Variants in NBEA observed in about 807,000 individuals in gnomAD.
NBEA encodes neurobeachin, also known as lysosomal-trafficking regulator 2.
NBEA carries 44 observed loss-of-function variants against 343.4 expected under a neutral mutation model. The ratio of observed to expected loss-of-function variants is 0.13; its 90% CI spans 0.10 to 0.16. NBEA has a LOEUF of 0.16. Among genes scored for constraint, NBEA ranks in the 10% least tolerant of loss-of-function variants. The pLI is 1.00. For synonymous variants in NBEA, 1,175 were observed against 1,238.7 expected (o/e 0.95, Z 1.08); for missense variants, 2,555 against 3,631.3 (o/e 0.70, Z 7.62).
chr13:34,974,248 T>A (rs1197306355), intron 1 of NBEA, among the ~76,000 whole-genome samples: 1 of 152,200 alleles, frequency 6.6e-6, no homozygotes, highest in Non-Finnish European at 1.5e-5. Flanking sequence ...GTACTGTATT[T>A]ACTTGCCCCT....
intron 1 of NBEA, among the ~76,000 whole-genome samples, chr13:34,959,214 G>A (rs768311818): frequency 2.6e-5 from 4 of 151,980 alleles, no homozygotes; most frequent in Non-Finnish European, 5.9e-5. Context: ...TTTTCATATT[G>A]TAAGTTTCTT....
intron 47 of NBEA, among the ~76,000 whole-genome samples, chr13:35,604,732 T>C (rs1375757681): frequency 6.6e-6 from 1 of 152,100 alleles, no homozygotes; most frequent in Non-Finnish European, 1.5e-5. Context: ...CTCCCTTGTC[T>C]TGATCTACCC....
At chr13:35,552,844 G>C (rs555744238) in intron 43 of NBEA, among the ~76,000 whole-genome samples, 1 of 151,868 alleles carries the variant, frequency 6.6e-6, no homozygotes, top group Admixed American at 6.6e-5. Flanking sequence ...GATGAGTATT[G>C]TTTCCCTTTT....
chr13:35,211,548 C>G (rs1027331352), intron 33 of NBEA, among the ~76,000 whole-genome samples: 3 of 152,012 alleles, frequency 2.0e-5, no homozygotes, highest in Admixed American at 1.3e-4. Flanking sequence ...GGTGTGGTGG[C>G]TCACGCCTGT....
chr13:35,484,096 A>G (rs2076218367), intron 41 of NBEA, among the ~76,000 whole-genome samples: 2 of 152,068 alleles, frequency 1.3e-5, no homozygotes, highest in Non-Finnish European at 2.9e-5. Context: ...TAACACGGGA[A>G]ATTCCAACAG....
chr13:35,518,808 C>T (rs2077583986), intron 41 of NBEA, among the ~76,000 whole-genome samples: 2 of 152,130 alleles, frequency 1.3e-5, no homozygotes, highest in South Asian at 4.1e-4. Context: ...CTGCATCCTA[C>T]CGAGCTTTGA....
chr13:35,311,996 C>T (rs2035703292), intron 36 of NBEA, among the ~76,000 whole-genome samples: 1 of 152,166 alleles, frequency 6.6e-6, no homozygotes, highest in South Asian at 2.1e-4. Context: ...AGGATTCAAA[C>T]ATGAATAGCT....
chr13:35,550,826 G>A (rs1181286010), intron 42 of NBEA, 104 bp from the exon 43 acceptor site: 1 of 722,412 alleles, frequency 1.4e-6, no homozygotes, highest in Non-Finnish European at 2.3e-6. Flanking sequence ...AGATTCATTA[G>A]CTTTACAAAT....
intron 45 of NBEA, among the ~76,000 whole-genome samples, chr13:35,579,089 G>A (rs1220228867): frequency 1.3e-5 from 2 of 152,148 alleles, no homozygotes; most frequent in Non-Finnish European, 2.9e-5. Flanking sequence ...CTCAACCTAT[G>A]TAACAGTAGA....
chr13:34,961,320 C>G (rs2059654403), intron 1 of NBEA, among the ~76,000 whole-genome samples: 1 of 152,000 alleles, frequency 6.6e-6, no homozygotes, highest in African/African-American at 2.4e-5. Flanking sequence ...ATATTATTAT[C>G]AGGATATGAT....
chr13:35,404,688 G>A (rs1427215059), intron 38 of NBEA, among the ~76,000 whole-genome samples: 1 of 150,238 alleles, frequency 6.7e-6, no homozygotes, highest in East Asian at 2.0e-4. Flanking sequence ...CACCAGCATG[G>A]CACATGTATA....
Position 35,558,761 on chromosome 13 carries a change from A to G in NBEA, c.6922+3659A>G, listed in dbSNP as rs74044731. On this transcript the variant is annotated intron_variant, in intron 44 of 58. Transcript: ENST00000379939. ...AAGTTTGAGCACAATTGCATTAGCC[A>G]TTTAAGACCTAATTATCAGGGCAAG... Among the ~76,000 whole-genome samples the G allele has an allele frequency of 2.6e-3, 400 of 152,296 alleles. 3 individuals carry two copies. The highest frequency in any genetic ancestry group is 9.1e-3 in the African/African-American group (378 of 41,562).
rs202017371 is a variant in NBEA at position 34,980,642 on chromosome 13, G to GAATGTC, written c.294+37529_294+37534dup. 3.0e-3 allele frequency among the ~76,000 whole-genome samples: 458 copies of GAATGTC among 152,028 alleles called. 6 individuals are homozygous for GAATGTC. The East Asian group carries it at 0.035, about 12-fold the overall frequency. ...GTACCCTTATATTTAATACAGTGTT[G>GAATGTC]AATGTCGGTGATGAAAATGAGCATC... is the stretch of plus-strand genomic sequence containing the variant. On this transcript the variant is annotated intron_variant, in intron 1 of 58. Coordinates refer to ENST00000379939, the MANE Select transcript of NBEA (RefSeq NM_001385012.1).
intron 29 of NBEA, among the ~76,000 whole-genome samples, chr13:35,183,173 T>A (rs993935405): frequency 6.6e-6 from 1 of 151,996 alleles, no homozygotes; most frequent in Non-Finnish European, 1.5e-5. Flanking sequence ...CCCACTCTAC[T>A]TGAACAGCAT....
At chr13:35,143,977 G>A (rs560421046) in intron 18 of NBEA, among the ~76,000 whole-genome samples, 2 of 151,996 alleles carry the variant, frequency 1.3e-5, no homozygotes, top group East Asian at 3.9e-4. Context: ...AACAGATCAA[G>A]TCAATTGCAG....
At chr13:35,010,217 G>A (rs1219158355) in intron 1 of NBEA, among the ~76,000 whole-genome samples, 4 of 152,096 alleles carry the variant, frequency 2.6e-5, no homozygotes, top group African/African-American at 9.7e-5. Flanking sequence ...GGGTGAATGT[G>A]AATAGAGAAG....
intron 38 of NBEA, among the ~76,000 whole-genome samples, chr13:35,409,326 C>G (rs1190434274): frequency 6.6e-6 from 1 of 152,026 alleles, no homozygotes; most frequent in African/African-American, 2.4e-5. Context: ...AAATGACACA[C>G]ACTGGGGCCT....
chr13:35,098,969 G>A (rs1358056666), intron 11 of NBEA, among the ~76,000 whole-genome samples: 2 of 151,152 alleles, frequency 1.3e-5, no homozygotes, highest in South Asian at 2.1e-4. Flanking sequence ...TGGAACTATC[G>A]CGTCAGGATA....
intron 41 of NBEA, chr13:35,476,684 TTGTC>T (rs2075887536): frequency 2.2e-6 from 2 of 910,310 alleles, no homozygotes; most frequent in Middle Eastern, 4.8e-4. Context: ...TGCTGTTGGT[TTGTC>T]TAAGAGCCCA....
Sources: allele counts gnomAD v4.1 joint callset (sites outside exome capture counted in the v4.1 genomes callset), GRCh38; gene constraint gnomAD v4.1.1; transcripts MANE v1.5; gene names NCBI Gene and HGNC (gene_info 2026-07-23, HGNC 2026-07-21).